FGF13: variants seen among roughly 807,000 people sequenced by gnomAD.
The protein encoded by FGF13 is fibroblast growth factor 13.
In FGF13, 2 loss-of-function variants were observed where a neutral mutation model predicts 19.5. The observed-to-expected ratio is 0.10, with a 90% CI of 0.04 to 0.32. FGF13 has a LOEUF of 0.32. FGF13 is among the 10% of genes least tolerant of loss of function. The pLI is 1.00. For synonymous variants in FGF13, 72 were observed against 76.9 expected (o/e 0.94, Z 0.33); for missense variants, 113 against 192.7 (o/e 0.59, Z 2.45).
chrX:138,813,702 AT>A (rs1247871826), intron 3 of FGF13, among the ~76,000 whole-genome samples: 1 of 112,150 alleles, frequency 8.9e-6, no homozygotes, highest in Non-Finnish European at 1.9e-5. Flanking sequence ...CACCTATGCA[AT>A]TCCACTTTTA....
chrX:139,089,208 G>C (rs772500587), intron 1 of FGF13, among the ~76,000 whole-genome samples: 2 of 111,939 alleles, frequency 1.8e-5, no homozygotes, highest in Non-Finnish European at 3.8e-5. Context: ...GGCAGCTGAG[G>C]ACAGGTGGCT....
At chrX:138,973,588 G>C (rs916086603) in intron 1 of FGF13, among the ~76,000 whole-genome samples, 1 of 111,811 alleles carries the variant, frequency 8.9e-6, no homozygotes, top group African/African-American at 3.3e-5. Flanking sequence ...CGCTGAAAGT[G>C]AGGTGTTTAA....
chrX:138,828,761 A>G (rs2091052312), intron 3 of FGF13, among the ~76,000 whole-genome samples: 1 of 108,651 alleles, frequency 9.2e-6, no homozygotes, highest in Non-Finnish European at 1.9e-5. Flanking sequence ...AGAAGGTTCC[A>G]TTTACTTTGT....
chrX:138,681,059 A>G (rs2089723201), intron 3 of FGF13, among the ~76,000 whole-genome samples: 1 of 107,973 alleles, frequency 9.3e-6, no homozygotes, highest in Non-Finnish European at 1.9e-5. Flanking sequence ...CTGTAATCCC[A>G]GCTACTTCAG....
intron 1 of FGF13, among the ~76,000 whole-genome samples, chrX:138,723,149 T>C (rs1330250777): frequency 9.0e-6 from 1 of 111,700 alleles, no homozygotes. Flanking sequence ...TATAGTTATT[T>C]GGTCAGAGGG....
intron 3 of FGF13, among the ~76,000 whole-genome samples, chrX:138,643,408 A>G (rs781540396): frequency 1.8e-5 from 2 of 112,336 alleles, no homozygotes; most frequent in Admixed American, 9.4e-5. Flanking sequence ...AAATTACATG[A>G]TCCAAACGCC....
At chrX:138,969,773 A>G (rs775249704) in intron 1 of FGF13, among the ~76,000 whole-genome samples, 15 of 111,911 alleles carry the variant, frequency 1.3e-4, no homozygotes, top group African/African-American at 4.5e-4. Flanking sequence ...TCTAACACCA[A>G]TGGAAATCCA....
At chrX:139,068,309 T>G (rs1221103832) in intron 1 of FGF13, among the ~76,000 whole-genome samples, 2 of 102,590 alleles carry the variant, frequency 1.9e-5, no homozygotes, top group Non-Finnish European at 3.9e-5. Flanking sequence ...TATGCTGCGT[T>G]ATTTCTGAGG....
At chrX:139,131,346 C>A (rs1230171524) in intron 1 of FGF13, among the ~76,000 whole-genome samples, 1 of 106,580 alleles carries the variant, frequency 9.4e-6, no homozygotes, top group African/African-American at 3.4e-5. Context: ...CTAATGGTAC[C>A]CATATATAAT....
At chrX:138,877,700 T>C (rs890971847) in intron 1 of FGF13, among the ~76,000 whole-genome samples, 2 of 112,690 alleles carry the variant, frequency 1.8e-5, no homozygotes, top group Non-Finnish European at 1.9e-5. Context: ...CTAGCTTCTT[T>C]TACTTAGCAT....
intron 1 of FGF13, among the ~76,000 whole-genome samples, chrX:139,090,861 G>A (rs1002157968): frequency 2.9e-5 from 3 of 104,863 alleles, no homozygotes; most frequent in Admixed American, 1.1e-4. Context: ...AGGATTGTTT[G>A]AGCCCGGGAG....
In FGF13 at chrX:138,736,141, C is replaced by T. The variant is rs569446932; in HGVS notation, c.28+3101G>A. On this transcript the variant is annotated intron_variant, in intron 1 of 4. Coordinates refer to the FGF13 transcript ENST00000305414. ...AGGGGGACTTACAGAACTCCTTCTA[C>T]CCAGGAGGCACTCACTTCCTTTTGA... Among the ~76,000 whole-genome samples, 66 of 111,961 alleles carry T rather than the reference C, an allele frequency of 5.9e-4. No homozygotes were observed. The South Asian group carries it at 0.024, about 42-fold the overall frequency.
At chrX:138,994,595 TATA>T (rs1392465656) in intron 1 of FGF13, among the ~76,000 whole-genome samples, 1 of 111,684 alleles carries the variant, frequency 9.0e-6, no homozygotes, top group African/African-American at 3.3e-5. Context: ...TTACAGATAT[TATA>T]AATTATACTG....
In FGF13 at chrX:138,777,549, A is replaced by T. The variant is rs1418427962; in HGVS notation, c.218-68621T>A. Among the ~76,000 whole-genome samples, 3 of 111,567 alleles carry T rather than the reference A, an allele frequency of 2.7e-5. No individual in the cohort carries two copies. In the Admixed American group the frequency reaches 2.9e-4, roughly 11 times the overall value. The stretch of plus-strand genomic sequence containing the variant: ...GGAGCAGGTGGGTGGAAATGATGGG[A>T]AAGGCCCAGCCACGACAAGTGGCCT... On this transcript the variant is annotated intron_variant, in intron 3 of 6. Transcript: ENST00000436198.
At chrX:138,840,436 C>T (rs751574853) in intron 3 of FGF13, among the ~76,000 whole-genome samples, 3 of 112,063 alleles carry the variant, frequency 2.7e-5, no homozygotes, top group South Asian at 7.5e-4. Flanking sequence ...AATAGGCAAA[C>T]ATTGGAGTAA....
chrX:138,743,936 T>C (rs2090337690), upstream of FGF13, among the ~76,000 whole-genome samples: 1 of 111,253 alleles, frequency 9.0e-6, no homozygotes, highest in African/African-American at 3.3e-5. Flanking sequence ...CCCTTGATGG[T>C]TTCTCTCAAC....
At chrX:138,987,470 G>A (rs959597984) in intron 1 of FGF13, among the ~76,000 whole-genome samples, 2 of 111,583 alleles carry the variant, frequency 1.8e-5, no homozygotes, top group Non-Finnish European at 3.8e-5. Context: ...GGAATTCATG[G>A]CTTAAATTCA....
intron 3 of FGF13, among the ~76,000 whole-genome samples, chrX:138,850,634 G>A (rs1019132320): frequency 8.9e-6 from 1 of 111,922 alleles, no homozygotes; most frequent in Non-Finnish European, 1.9e-5. Flanking sequence ...CAAAGGCAGG[G>A]TGGCCCTAAG....
chrX:138,835,633 G>A (rs2091107309), intron 3 of FGF13, among the ~76,000 whole-genome samples: 1 of 111,635 alleles, frequency 9.0e-6, no homozygotes, highest in African/African-American at 3.3e-5. Context: ...TCTTTTAATT[G>A]GGGCATTTAG....
Sources: gnomAD v4.1 joint callset for allele counts (sites outside exome capture counted in the v4.1 genomes callset) on GRCh38, gnomAD v4.1.1 for gene constraint, MANE v1.5 for transcripts, NCBI Gene and HGNC (gene_info 2026-07-23, HGNC 2026-07-21) for gene names.